PACSIN1: variants seen among roughly 807,000 people sequenced by gnomAD.
PACSIN1 encodes protein kinase C and casein kinase substrate in neurons 1.
Under a neutral mutation model 59.5 loss-of-function variants are expected in PACSIN1, and 15 were observed. The observed-to-expected ratio is 0.25, with a 90% confidence interval of 0.17 to 0.39. PACSIN1 has a LOEUF of 0.39. Ranked by LOEUF, PACSIN1 falls within the 10% of genes least tolerant of loss-of-function variation. The pLI is 1.00. For missense variants in PACSIN1, 420 were observed against 580.2 expected, an observed-to-expected ratio of 0.72 and a Z score of 2.84; for synonymous variants, 210 against 220.6, an observed-to-expected ratio of 0.95 and a Z score of 0.42.
chr6:34,494,786 C>T (rs1309553583), intron 1 of PACSIN1, among the ~76,000 whole-genome samples: 1 of 152,208 alleles, frequency 6.6e-6, no homozygotes, highest in Non-Finnish European at 1.5e-5. Flanking sequence ...GCTGCTGGTC[C>T]TTGGACCATA....
intron 1 of PACSIN1, among the ~76,000 whole-genome samples, chr6:34,500,397 A>T (rs1262599216): frequency 2.6e-5 from 4 of 152,244 alleles, no homozygotes; most frequent in Non-Finnish European, 5.9e-5. Context: ...AAACTGGTAC[A>T]GCCACTGTGG....
At position 34,488,389 on chromosome 6, in the gene PACSIN1, GTGT is replaced by G. The variant is rs1232942737; in HGVS notation, c.-64+22127_-64+22129del. The stretch of plus-strand genomic sequence containing the variant: ...TTATTCCTGCCAGGATGGTGACTCT[GTGT>G]TGTTGTTTTTTCCCTGCTGGTTTCT... On this transcript the variant is annotated intron_variant, in intron 1 of 9. Coordinates refer to ENST00000244458, the MANE Select transcript of PACSIN1 (RefSeq NM_020804.5). The surrounding 1 kb of genome is among the most constrained non-coding windows in gnomAD (Gnocchi z 4.7). Among the ~76,000 whole-genome samples, 2 of 152,298 alleles carry G rather than the reference GTGT, an allele frequency of 1.3e-5. No individual in the cohort carries two copies. Among genetic ancestry groups the G allele is most frequent in the East Asian group, 1.9e-4 (1 of 5,178 alleles).
At chr6:34,490,664 C>G (rs1231589229) in intron 1 of PACSIN1, among the ~76,000 whole-genome samples, 1 of 152,184 alleles carries the variant, frequency 6.6e-6, no homozygotes, top group South Asian at 2.1e-4. Flanking sequence ...TTCACCTGAG[C>G]TTCTTAGGGG....
At position 34,521,726 on chromosome 6, in the gene PACSIN1, G is replaced by A. The variant is rs909547603; in HGVS notation, c.-63-4517G>A. 4.6e-5 allele frequency among the ~76,000 whole-genome samples: 7 copies of A among 152,122 alleles called. No homozygotes were observed. The highest frequency in any genetic ancestry group is 1.7e-4 in the African/African-American group (7 of 41,416). On this transcript the variant is annotated intron_variant, in intron 1 of 9. Transcript: ENST00000244458. This position sits in a 1 kb window ranked among gnomAD's most constrained non-coding sequence, Gnocchi z 4.3. ...CTCCACTACAGGCAACGGCGGTGGT[G>A]GATGGATAGTAAGCGCCGACACCTG... is the stretch of plus-strand genomic sequence containing the variant.
intron 1 of PACSIN1, among the ~76,000 whole-genome samples, chr6:34,474,734 G>A (rs1381981590): frequency 7.0e-6 from 1 of 143,466 alleles, no homozygotes; most frequent in Non-Finnish European, 1.5e-5. Context: ...AGGTTGCAGT[G>A]AGCTGAGATC....
chr6:34,526,431 C>G, intron 2 of PACSIN1, 63 bp downstream of exon 2: 2 of 1,362,186 alleles, frequency 1.5e-6, no homozygotes. Context: ...AGGCCAGGCT[C>G]CCTTATCACT....
At chr6:34,469,631 A>T (rs1766544512) in intron 1 of PACSIN1, among the ~76,000 whole-genome samples, 1 of 152,112 alleles carries the variant, frequency 6.6e-6, no homozygotes, top group Non-Finnish European at 1.5e-5. Flanking sequence ...CAGGCCCTAG[A>T]CCCCAGCATC....
Position 34,532,418 on chromosome 6 carries a change from C to T in PACSIN1, c.1226-3C>T. On this transcript the variant is annotated splice_region_variant and splice_polypyrimidine_tract_variant and intron_variant, in intron 9 of 9. Transcript: ENST00000244458. This position sits in a 1 kb window ranked among gnomAD's most constrained non-coding sequence, Gnocchi z 5.2. ...GAGCCCCTCCCTGTGTTCTCTTTCC[C>T]AGGAGACGAACTCACCAAGCTGGGC... 1 of 1,560,966 alleles carries T rather than the reference C, an allele frequency of 6.4e-7. No individual in the cohort carries two copies. Among genetic ancestry groups the T allele is most frequent in the Non-Finnish European group, 8.7e-7 (1 of 1,151,022 alleles).
At chr6:34,477,314 G>A (rs1044671237) in intron 1 of PACSIN1, among the ~76,000 whole-genome samples, 1 of 151,538 alleles carries the variant, frequency 6.6e-6, no homozygotes, top group Non-Finnish European at 1.5e-5. Context: ...AACATAGGGA[G>A]ATGCTGTCTC....
At chr6:34,526,149 T>G in intron 1 of PACSIN1, 94 bp from the exon 2 acceptor site, 1 of 612,954 alleles carries the variant, frequency 1.6e-6, no homozygotes, top group Non-Finnish European at 2.9e-6. Flanking sequence ...CAAGCCTCCC[T>G]GGGTCCCATC....
Position 34,532,682 on chromosome 6 carries a change from G to T in PACSIN1, c.*152G>T. 1 of 613,354 alleles carries T rather than the reference G, an allele frequency of 1.6e-6. No homozygotes were observed. 38.0% of individuals were successfully genotyped at this position (613,354 alleles called of 1,614,324 possible). ...GTCAAAACAGAACAAAACAAAGTAT[G>T]CAGAGACAGAGCATTTGCAGGGCCA... On this transcript the variant is annotated 3_prime_UTR_variant, in exon 10 of 10. Transcript: ENST00000244458. The surrounding 1 kb of genome is among the most constrained non-coding windows in gnomAD (Gnocchi z 5.2).
At chr6:34,498,752 G>A (rs1229629381) in intron 1 of PACSIN1, among the ~76,000 whole-genome samples, 1 of 142,032 alleles carries the variant, frequency 7.0e-6, no homozygotes, top group Non-Finnish European at 1.5e-5. Context: ...AGCTGTGATT[G>A]CACCACTGCA....
At chr6:34,501,930 G>C (rs1767030997) in intron 1 of PACSIN1, among the ~76,000 whole-genome samples, 1 of 151,454 alleles carries the variant, frequency 6.6e-6, no homozygotes, top group Non-Finnish European at 1.5e-5. Flanking sequence ...TATTCGGGAG[G>C]CTGAGGCAGA....
intron 1 of PACSIN1, among the ~76,000 whole-genome samples, chr6:34,511,899 CAGA>C (rs141400434): frequency 0.011 from 1,620 of 152,114 alleles, 25 homozygotes; most frequent in African/African-American, 0.037. Context: ...AGGGGGCTGA[CAGA>C]AGGAGTAGGC....
At chr6:34,528,915 G>GCC in intron 4 of PACSIN1, 38 bp downstream of exon 4, 1 of 653,172 alleles carries the variant, frequency 1.5e-6, no homozygotes, top group East Asian at 4.3e-5. Flanking sequence ...GGTGGGGTGG[G>GCC]CCCGTCTGAT....
chr6:34,529,257 C>A lies in PACSIN1; in HGVS notation c.457-140C>A. On this transcript the variant is annotated intron_variant, in intron 4 of 9. Coordinates refer to ENST00000244458, the MANE Select transcript of PACSIN1 (RefSeq NM_020804.5). This position sits in a 1 kb window ranked among gnomAD's most constrained non-coding sequence, Gnocchi z 6.3. Reference sequence around the variant, plus strand: ...GAGCGCTGCTCCCGAACACCTGGAGCCAGGGCCTGCATCCCTTCTGGCTCT... The same window carrying A: ...GAGCGCTGCTCCCGAACACCTGGAGACAGGGCCTGCATCCCTTCTGGCTCT... The A allele has an allele frequency of 1.1e-6, 1 of 872,096 alleles. No individual in the cohort carries two copies. The highest frequency in any genetic ancestry group is 1.8e-6 in the Non-Finnish European group (1 of 569,086). 54.0% of individuals were successfully genotyped at this position (872,096 alleles called of 1,614,324 possible). A position where few individuals can be genotyped will look rare whatever the true frequency, so the allele number is the denominator to read the frequency against.
intron 1 of PACSIN1, among the ~76,000 whole-genome samples, chr6:34,482,040 A>G (rs570846279): frequency 3.3e-4 from 51 of 152,318 alleles, no homozygotes; most frequent in Non-Finnish European, 6.3e-4. Flanking sequence ...ATTGAATCAT[A>G]TAAGCCTTTT....
intron 1 of PACSIN1, among the ~76,000 whole-genome samples, chr6:34,491,834 A>G (rs1037608511): frequency 3.2e-4 from 49 of 152,006 alleles, no homozygotes; most frequent in African/African-American, 9.9e-4. Flanking sequence ...CTGGTCTTGA[A>G]GTTCTGACCT....
intron 1 of PACSIN1, among the ~76,000 whole-genome samples, chr6:34,475,185 G>A (rs1766621346): frequency 6.6e-6 from 1 of 152,164 alleles, no homozygotes; most frequent in Non-Finnish European, 1.5e-5. Context: ...CATGAAGGCA[G>A]GGTTTGGGTG....
Sources: allele counts gnomAD v4.1 joint callset (sites outside exome capture counted in the v4.1 genomes callset), GRCh38; gene constraint gnomAD v4.1.1; non-coding constraint Gnocchi (gnomAD v3.1); transcripts MANE v1.5; gene names NCBI Gene and HGNC (gene_info 2026-07-23, HGNC 2026-07-21).